The following LIN7A variants were observed in gnomAD, a reference collection of about 807,000 sequenced individuals.
LIN7A encodes the protein protein lin-7 homolog A.
A neutral mutation model predicts 29.8 loss-of-function variants in LIN7A; 25 were observed. The ratio of observed to expected loss-of-function variants is 0.84; its 90% CI spans 0.61 to 1.17. The LOEUF (loss-of-function observed/expected upper bound fraction) is 1.17. Among genes scored for constraint, LIN7A ranks in the 50% most tolerant of loss-of-function variants. LIN7A has a pLI of 0.00. For missense variants in LIN7A, 239 were observed against 287.0 expected (o/e 0.83, Z 1.21); for synonymous variants, 118 against 107.5 (o/e 1.10, Z -0.60).
chr12:80,844,855 A>G (rs1872985733), intron 4 of LIN7A, among the ~76,000 whole-genome samples: 1 of 152,202 alleles, frequency 6.6e-6, no homozygotes, highest in Non-Finnish European at 1.5e-5. Context: ...TAAAAACGAA[A>G]GCATATATTA....
At chr12:80,840,854 T>C (rs1475469041) in intron 4 of LIN7A, among the ~76,000 whole-genome samples, 2 of 152,308 alleles carry the variant, frequency 1.3e-5, no homozygotes, top group Non-Finnish European at 2.9e-5. Flanking sequence ...TACTCATATT[T>C]TGAAATACTC....
chr12:80,839,169 C>G (rs77440305), intron 4 of LIN7A, among the ~76,000 whole-genome samples: 2 of 152,086 alleles, frequency 1.3e-5, no homozygotes, highest in Admixed American at 1.3e-4. Flanking sequence ...GCTAAGAAAA[C>G]TTGATCTTTT....
chr12:80,861,734 A>G (rs904119951), intron 2 of LIN7A, among the ~76,000 whole-genome samples: 1 of 152,206 alleles, frequency 6.6e-6, no homozygotes, highest in East Asian at 1.9e-4. Context: ...ACAATCTCAC[A>G]TTTCCTGGGC....
At chr12:80,850,173 A>C (rs960257466) in intron 2 of LIN7A, among the ~76,000 whole-genome samples, 11 of 152,180 alleles carry the variant, frequency 7.2e-5, no homozygotes, top group Non-Finnish European at 8.8e-5. Flanking sequence ...ACTGTGTAGT[A>C]GATAATTTCA....
chr12:80,854,634 T>C (rs1261979970), intron 2 of LIN7A, among the ~76,000 whole-genome samples: 3 of 152,004 alleles, frequency 2.0e-5, no homozygotes, highest in African/African-American at 7.2e-5. Flanking sequence ...ATGATGAAAT[T>C]TTTGGGAATG....
At chr12:80,880,586 G>T (rs1045383465) in intron 2 of LIN7A, among the ~76,000 whole-genome samples, 1 of 152,166 alleles carries the variant, frequency 6.6e-6, no homozygotes, top group African/African-American at 2.4e-5. Context: ...TGCTGATGGT[G>T]AGGGCAATAT....
At chr12:80,802,901 A>AT (rs1870789419) in intron 5 of LIN7A, among the ~76,000 whole-genome samples, 1 of 152,022 alleles carries the variant, frequency 6.6e-6, no homozygotes, top group Non-Finnish European at 1.5e-5. Context: ...GACAATGAGC[A>AT]TTTTTCATGC....
chr12:80,874,322 C>G (rs2120521688), intron 2 of LIN7A, among the ~76,000 whole-genome samples: 1 of 152,252 alleles, frequency 6.6e-6, no homozygotes, highest in East Asian at 1.9e-4. Flanking sequence ...AATAGACATG[C>G]ATATTTGTGG....
chr12:80,874,198 T>C (rs77885185), intron 2 of LIN7A, among the ~76,000 whole-genome samples: 3,497 of 152,306 alleles, frequency 0.023, 122 homozygotes, highest in African/African-American at 0.08. Context: ...CACAGATTTC[T>C]TTTCTCTCTA....
intron 2 of LIN7A, among the ~76,000 whole-genome samples, chr12:80,859,696 C>T (rs1209169846): frequency 6.6e-6 from 1 of 151,954 alleles, no homozygotes; most frequent in Non-Finnish European, 1.5e-5. Context: ...AAAACAAATA[C>T]AATAAAACCC....
At chr12:80,824,399 C>T (rs1871959694) in intron 4 of LIN7A, among the ~76,000 whole-genome samples, 1 of 151,826 alleles carries the variant, frequency 6.6e-6, no homozygotes, top group Non-Finnish European at 1.5e-5. Context: ...AAAAAAAAGT[C>T]CAGGACCAGA....
rs898552695 is a variant in LIN7A at position 80,848,853 on chromosome 12, C to A, written c.202-531G>T. ...AAAAAGGAAAGGGAAAAACTGCAAT[C>A]GAAGGTTGAAAGGTTTTTTTCTTCC... On this transcript the variant is annotated intron_variant, in intron 2 of 5. Coordinates refer to ENST00000552864, the MANE Select transcript of LIN7A (RefSeq NM_004664.4). Among the ~76,000 whole-genome samples the A allele has an allele frequency of 1.2e-4, 18 of 152,176 alleles. No homozygotes were observed. In the East Asian group the frequency reaches 2.3e-3, roughly 20 times the overall value.
chr12:80,896,486 G>A (rs1040130688), intron 1 of LIN7A, among the ~76,000 whole-genome samples: 3 of 152,166 alleles, frequency 2.0e-5, no homozygotes, highest in South Asian at 2.1e-4. Flanking sequence ...CTATCACTGC[G>A]ATATGAAAGG....
chr12:80,877,515 A>T (rs911498794), intron 2 of LIN7A, among the ~76,000 whole-genome samples: 1 of 152,140 alleles, frequency 6.6e-6, no homozygotes, highest in Non-Finnish European at 1.5e-5. Context: ...TACTGCAATC[A>T]GACTATATAC....
chr12:80,848,997 C>A (rs1372114699), intron 2 of LIN7A, among the ~76,000 whole-genome samples: 1 of 152,162 alleles, frequency 6.6e-6, no homozygotes, highest in African/African-American at 2.4e-5. Flanking sequence ...CTCTTCCCTG[C>A]ATTTTTGACT....
intron 2 of LIN7A, among the ~76,000 whole-genome samples, chr12:80,860,763 C>T (rs546614991): frequency 1.3e-5 from 2 of 152,362 alleles, no homozygotes; most frequent in East Asian, 3.9e-4. Flanking sequence ...TGATGCCCAG[C>T]AGCACTTTCA....
chr12:80,840,258 A>G lies in LIN7A; in HGVS notation c.483+5472T>C, dbSNP rs1473248891. Among the ~76,000 whole-genome samples the G allele has an allele frequency of 3.3e-5, 5 of 152,378 alleles. No homozygotes were observed. The South Asian group carries it at 8.3e-4, about 25-fold the overall frequency. On this transcript the variant is annotated intron_variant, in intron 4 of 5. Coordinates refer to ENST00000552864, the MANE Select transcript of LIN7A (RefSeq NM_004664.4). ...CAATATTAACATCTTACAAAATCAT[A>G]TTAAACCAGCGAATTGGAATTGGTA...
intron 2 of LIN7A, among the ~76,000 whole-genome samples, chr12:80,870,779 C>T (rs1034387006): frequency 2.0e-5 from 3 of 152,194 alleles, no homozygotes; most frequent in African/African-American, 4.8e-5. Context: ...GAGTGCTCCT[C>T]CAGGTGCTAG....
chr12:80,863,749 C>T lies in LIN7A; in HGVS notation c.202-15427G>A, dbSNP rs1211614960. Reference sequence around the variant, plus strand: ...TTTTTTAAGGATCAAGTTATAGACACAACAGACATCTCTGGTCCTCACCCT... The same window carrying T: ...TTTTTTAAGGATCAAGTTATAGACATAACAGACATCTCTGGTCCTCACCCT... On this transcript the variant is annotated intron_variant, in intron 2 of 5. Transcript: ENST00000552864. 3.3e-5 allele frequency among the ~76,000 whole-genome samples: 5 copies of T among 152,240 alleles called. No homozygotes were observed. In the East Asian group the frequency reaches 9.7e-4, roughly 29 times the overall value.
Sources: allele counts gnomAD v4.1 joint callset (sites outside exome capture counted in the v4.1 genomes callset), GRCh38; gene constraint gnomAD v4.1.1; transcripts MANE v1.5; gene names NCBI Gene and HGNC (gene_info 2026-07-23, HGNC 2026-07-21).